Variants in DOCK3 observed in about 807,000 individuals in gnomAD.
The protein encoded by DOCK3 is dedicator of cytokinesis protein 3.
Under a neutral mutation model 265.6 loss-of-function variants are expected in DOCK3, and 60 were observed. That is an observed-to-expected ratio of 0.23 (90% confidence interval 0.18 to 0.28). DOCK3 has a LOEUF of 0.28. Among genes scored for constraint, DOCK3 ranks in the 10% least tolerant of loss-of-function variants. The pLI is 1.00. For synonymous variants in DOCK3, 881 were observed against 938.0 expected, an observed-to-expected ratio of 0.94 and a Z score of 1.11; for missense variants, 1,981 against 2,594.3, an observed-to-expected ratio of 0.76 and a Z score of 5.14.
At chr3:51,236,202 A>T in intron 19 of DOCK3, 143 bp from the exon 20 acceptor site, 1 of 666,254 alleles carries the variant, frequency 1.5e-6, no homozygotes, top group Admixed American at 2.4e-5. Flanking sequence ...GGGTCAGGGT[A>T]CTAGTACGAT....
At chr3:51,249,507 G>T (rs1361578086) in intron 22 of DOCK3, among the ~76,000 whole-genome samples, 1 of 90,898 alleles carries the variant, frequency 1.1e-5, no homozygotes, top group Non-Finnish European at 2.4e-5. Flanking sequence ...GAGGTGGGGG[G>T]GTCAGCTCCC....
chr3:50,816,840 C>T (rs60602904), intron 2 of DOCK3, among the ~76,000 whole-genome samples: 13,451 of 151,972 alleles, frequency 0.089, 1,223 homozygotes, highest in East Asian at 0.33. Context: ...TCTCACCCGT[C>T]ACCCAGGCTG....
chr3:51,329,023 C>T (rs574227248), intron 32 of DOCK3, among the ~76,000 whole-genome samples: 9 of 152,040 alleles, frequency 5.9e-5, no homozygotes, highest in East Asian at 3.9e-4. Context: ...TGTGGTGGTG[C>T]GTGCTTATAA....
At chr3:51,262,295 C>A (rs1399435036) in intron 23 of DOCK3, among the ~76,000 whole-genome samples, 1 of 152,158 alleles carries the variant, frequency 6.6e-6, no homozygotes, top group South Asian at 2.1e-4. Context: ...GGACCTCCAG[C>A]AAACCCCAGC....
chr3:50,887,981 T>G (rs1353302018), intron 3 of DOCK3, among the ~76,000 whole-genome samples: 1 of 152,162 alleles, frequency 6.6e-6, no homozygotes, highest in Non-Finnish European at 1.5e-5. Flanking sequence ...ACCACTCCTG[T>G]TCAACATAGT....
intron 9 of DOCK3, among the ~76,000 whole-genome samples, chr3:51,131,654 C>G (rs1314654416): frequency 6.6e-6 from 1 of 152,102 alleles, no homozygotes; most frequent in Non-Finnish European, 1.5e-5. Context: ...AACTTAACCT[C>G]TAGGAACACC....
At chr3:51,182,342 T>C (rs748906920) in intron 12 of DOCK3, among the ~76,000 whole-genome samples, 3 of 152,224 alleles carry the variant, frequency 2.0e-5, no homozygotes, top group Non-Finnish European at 2.9e-5. Flanking sequence ...CCTGGCCGAT[T>C]AGGAAGGGCC....
At chr3:51,243,966 C>G (rs563222197) in intron 21 of DOCK3, among the ~76,000 whole-genome samples, 2 of 152,224 alleles carry the variant, frequency 1.3e-5, no homozygotes, top group Non-Finnish European at 2.9e-5. Context: ...TTTTCCCCCA[C>G]TGAATGGTCT....
chr3:50,858,422 T>TATAATAATAATAATAATAATA (rs149503894), intron 3 of DOCK3, among the ~76,000 whole-genome samples: 18 of 124,088 alleles, frequency 1.5e-4, no homozygotes, highest in African/African-American at 4.5e-4. Context: ...TAACTTAAAA[T>TATAATAATAATAATAATAATA]ATAATAATAA....
chr3:50,976,686 G>C (rs1263268612), intron 5 of DOCK3, among the ~76,000 whole-genome samples: 25 of 151,946 alleles, frequency 1.6e-4, no homozygotes, highest in Admixed American at 1.2e-3. Context: ...GAGTTCAATT[G>C]CTGGGTATCC....
chr3:51,114,179 A>G (rs1463431510), intron 9 of DOCK3, among the ~76,000 whole-genome samples: 2 of 152,164 alleles, frequency 1.3e-5, no homozygotes, highest in Non-Finnish European at 2.9e-5. Context: ...AGAGATTTAG[A>G]TATTAGCAAT....
At chr3:51,222,793 A>G (rs1560235375) in intron 14 of DOCK3, among the ~76,000 whole-genome samples, 1 of 152,210 alleles carries the variant, frequency 6.6e-6, no homozygotes, top group Admixed American at 6.5e-5. Flanking sequence ...AATGAAAACT[A>G]CAGGAATATG....
At chr3:50,820,400 C>T (rs2044340683) in intron 2 of DOCK3, among the ~76,000 whole-genome samples, 1 of 152,164 alleles carries the variant, frequency 6.6e-6, no homozygotes, top group Non-Finnish European at 1.5e-5. Context: ...TGCTGTCTCA[C>T]ACTTATAAGT....
chr3:51,024,933 T>C lies in DOCK3; in HGVS notation c.316-39515T>C, dbSNP rs1575805862. 2.6e-5 allele frequency among the ~76,000 whole-genome samples: 4 copies of C among 152,320 alleles called. No individual in the cohort carries two copies. In the South Asian group the frequency reaches 6.2e-4, roughly 24 times the overall value. On this transcript the variant is annotated intron_variant, in intron 5 of 52. Transcript: ENST00000266037. ...CAGGCAGTGATGATTGCCGAGGTCA[T>C]GCAGCTGTTTTCTCCTTCTTGGGCA...
At chr3:51,054,401 T>G (rs2081122788) in intron 5 of DOCK3, among the ~76,000 whole-genome samples, 1 of 152,172 alleles carries the variant, frequency 6.6e-6, no homozygotes, top group South Asian at 2.1e-4. Flanking sequence ...TTTAGTAGTA[T>G]CTCTTTGCCC....
At chr3:50,964,519 A>G (rs532306780) in intron 5 of DOCK3, among the ~76,000 whole-genome samples, 10 of 152,314 alleles carry the variant, frequency 6.6e-5, no homozygotes, top group South Asian at 6.2e-4. Flanking sequence ...GATCGAAGAA[A>G]GGAGGAGAAA....
chr3:51,007,111 T>C (rs1172921743), intron 5 of DOCK3, among the ~76,000 whole-genome samples: 1 of 152,238 alleles, frequency 6.6e-6, no homozygotes, highest in Non-Finnish European at 1.5e-5. Flanking sequence ...TATAGTAGCA[T>C]GCTTTATAAT....
chr3:51,336,076 AT>A (rs2084850731), intron 35 of DOCK3, among the ~76,000 whole-genome samples: 1 of 152,250 alleles, frequency 6.6e-6, no homozygotes, highest in Non-Finnish European at 1.5e-5. Flanking sequence ...AAAGGAAAAA[AT>A]AATTGTTCAA....
intron 1 of DOCK3, among the ~76,000 whole-genome samples, chr3:50,725,699 A>G (rs1209474776): frequency 1.3e-5 from 2 of 152,082 alleles, no homozygotes; most frequent in Non-Finnish European, 1.5e-5. Flanking sequence ...TATTCCTGGT[A>G]TGGTTTGCTG....
Sources: allele counts gnomAD v4.1 joint callset (sites outside exome capture counted in the v4.1 genomes callset), GRCh38; gene constraint gnomAD v4.1.1; transcripts MANE v1.5; gene names NCBI Gene and HGNC (gene_info 2026-07-23, HGNC 2026-07-21).